Variants in ANKRD33B observed in about 807,000 individuals in gnomAD.
ANKRD33B encodes the protein ankyrin repeat domain 33B.
Under a neutral mutation model 21.5 loss-of-function variants are expected in ANKRD33B, and 6 were observed. The observed-to-expected ratio is 0.28, with a 90% CI of 0.15 to 0.55. The LOEUF (loss-of-function observed/expected upper bound fraction) is 0.55, where lower values mean the gene tolerates loss of function less well. Ranked by LOEUF, ANKRD33B falls within the 20% of genes least tolerant of loss-of-function variation. The pLI, the probability that ANKRD33B is intolerant of heterozygous loss-of-function variation, is 0.94. For missense variants in ANKRD33B, 698 were observed against 747.2 expected, an observed-to-expected ratio of 0.93 and a Z score of 0.77; for synonymous variants, 347 against 342.4, an observed-to-expected ratio of 1.01 and a Z score of -0.15.
At chr5:10,592,384 G>A (rs958159038) in intron 1 of ANKRD33B, among the ~76,000 whole-genome samples, 4 of 150,902 alleles carry the variant, frequency 2.7e-5, no homozygotes, top group Admixed American at 6.6e-5. Context: ...AGGCCAGGGC[G>A]GGCGGATCAC....
chr5:10,629,314 A>C (rs1201524084), intron 2 of ANKRD33B, among the ~76,000 whole-genome samples: 1 of 152,144 alleles, frequency 6.6e-6, no homozygotes, highest in African/African-American at 2.4e-5. Flanking sequence ...TGTAGAGATG[A>C]GGTCTTGCCA....
chr5:10,575,206 T>C (rs553236926), intron 1 of ANKRD33B, among the ~76,000 whole-genome samples: 7 of 151,024 alleles, frequency 4.6e-5, no homozygotes, highest in Admixed American at 2.0e-4. Context: ...GGGCGGATCA[T>C]GAGGTCAAAA....
At position 10,618,392 on chromosome 5, in the gene ANKRD33B, G is replaced by C. The variant is rs1057274309; in HGVS notation, c.426G>C (p.Glu142Asp). The change falls in exon 2 of 4, where the codon GAG becomes GAC. Residue 142 changes from glutamate (E) to aspartate (D), a missense_variant. Glu to Asp is a conservative substitution (Grantham distance 45). Coordinates refer to ENST00000296657, the MANE Select transcript of ANKRD33B (RefSeq NM_001164440.2). Reference protein sequence around the residue: ...GFVDTVVALAECPHVDVNWQD... With the variant: ...GFVDTVVALADCPHVDVNWQD... ...TGGATACCGTGGTGGCCTTAGCAGA[G>C]TGCCCCCACGTTGACGTCAACTGGC... is the stretch of plus-strand genomic sequence containing the variant. 2.6e-6 allele frequency: 4 copies of C among 1,537,714 alleles called. No homozygotes were observed. The East Asian group carries it at 7.3e-5, about 28-fold the overall frequency.
chr5:10,629,296 C>T (rs1247748631), intron 2 of ANKRD33B, among the ~76,000 whole-genome samples: 1 of 152,126 alleles, frequency 6.6e-6, no homozygotes, highest in Non-Finnish European at 1.5e-5. Flanking sequence ...GAAATTTAAA[C>T]TTTTTTTTGT....
intron 3 of ANKRD33B, 85 bp downstream of exon 3, chr5:10,638,253 C>T (rs1043265472): frequency 3.5e-6 from 5 of 1,424,690 alleles, no homozygotes; most frequent in Non-Finnish European, 4.7e-6. Flanking sequence ...AGATTAATCA[C>T]TCCCATAGAA....
rs1363457552 is a variant in ANKRD33B at position 10,655,954 on chromosome 5, A to C, written c.*5841A>C. On this transcript the variant is annotated 3_prime_UTR_variant, in exon 4 of 4. Coordinates refer to ENST00000296657, the MANE Select transcript of ANKRD33B (RefSeq NM_001164440.2). Reference sequence around the variant, plus strand: ...ACCCTGACCATGACAGATCTTTCTAAAACAATAAAGTCCCATTGATGACAA... The same window carrying C: ...ACCCTGACCATGACAGATCTTTCTACAACAATAAAGTCCCATTGATGACAA... The C allele has an allele frequency of 1.3e-5, 2 of 152,314 alleles. No homozygotes were observed. Among genetic ancestry groups the C allele is most frequent in the Non-Finnish European group, 2.9e-5 (2 of 68,026 alleles). The allele number at this position is 152,314 out of a possible 1,614,324, so 9.4% of individuals were successfully genotyped here. A position where few individuals can be genotyped will look rare whatever the true frequency, so the allele number is the denominator to read the frequency against.
chr5:10,647,054 C>T (rs1161046641), intron 3 of ANKRD33B, among the ~76,000 whole-genome samples: 1 of 152,194 alleles, frequency 6.6e-6, no homozygotes, highest in Non-Finnish European at 1.5e-5. Flanking sequence ...TGCCCTAGTT[C>T]TCCATGTTGC....
At chr5:10,648,331 C>T (rs1279968394) in intron 3 of ANKRD33B, among the ~76,000 whole-genome samples, 1 of 152,234 alleles carries the variant, frequency 6.6e-6, no homozygotes, top group African/African-American at 2.4e-5. Flanking sequence ...GCTGGGGTGC[C>T]ACCACTTTGC....
chr5:10,641,007 T>A (rs1399531659), intron 3 of ANKRD33B, among the ~76,000 whole-genome samples: 2 of 152,158 alleles, frequency 1.3e-5, no homozygotes, highest in Non-Finnish European at 2.9e-5. Context: ...CTCTTAATAC[T>A]ATTCCAGTGG....
chr5:10,612,515 G>A (rs10035299), intron 1 of ANKRD33B, among the ~76,000 whole-genome samples: 94,358 of 152,192 alleles, frequency 0.62, 33,370 homozygotes, highest in East Asian at 0.85. Context: ...GGACACAAAC[G>A]TTCCGTCCAT....
chr5:10,639,547 A>G lies in ANKRD33B; in HGVS notation c.637+1379A>G, dbSNP rs545391543. Among the ~76,000 whole-genome samples, 141 of 18,336 alleles carry G rather than the reference A, an allele frequency of 7.7e-3. 9 individuals are homozygous for G. Among genetic ancestry groups the G allele is most frequent in the East Asian group, 0.057 (54 of 954 alleles). 12.0% of individuals were successfully genotyped at this position (18,336 alleles called of 152,430 possible). The stretch of plus-strand genomic sequence containing the variant: ...GCGGCGATGTTAGGCGGTGACGTGG[A>G]GTTGCGCGGCGATGTTAGGCGGTGA... On this transcript the variant is annotated intron_variant, in intron 3 of 3. Transcript: ENST00000296657.
At chr5:10,634,324 G>T (rs988663782) in intron 2 of ANKRD33B, among the ~76,000 whole-genome samples, 2 of 141,078 alleles carry the variant, frequency 1.4e-5, no homozygotes, top group African/African-American at 2.6e-5. Flanking sequence ...TCTTAAGCAG[G>T]GTAGGGCTTA....
chr5:10,573,036 A>T (rs1018660375), intron 1 of ANKRD33B, among the ~76,000 whole-genome samples: 3 of 151,800 alleles, frequency 2.0e-5, no homozygotes, highest in African/African-American at 7.3e-5. Flanking sequence ...AAATCCCACC[A>T]CTCCAATCCA....
Position 10,649,793 on chromosome 5 carries a change from C to A in ANKRD33B, c.1165C>A (p.Pro389Thr). ...GGGCTCCCCGAGAGCCGGCCTCCCT[C>A]CCGCCCTGGGGTCCCGGGGCCCCGC... ...REGSPRAGLP[P>T]ALGSRGPAAP... Residue 389 changes from proline to threonine, a missense_variant, in exon 4 of 4, where the codon CCC becomes ACC. Around this residue, in one of 3 missense-constraint regions of ANKRD33B, gnomAD observed 543 missense variants for 566.5 expected, o/e 0.96. Transcript: ENST00000296657. 7.1e-7 allele frequency: 1 copy of A among 1,401,754 alleles called. No homozygotes were observed. 86.8% of individuals were successfully genotyped at this position (1,401,754 alleles called of 1,614,324 possible). A position where few individuals can be genotyped will look rare whatever the true frequency, so the allele number is the denominator to read the frequency against.
chr5:10,627,222 A>G (rs1173184818), intron 2 of ANKRD33B: 1 of 152,178 alleles, frequency 6.6e-6, no homozygotes, highest in East Asian at 1.9e-4. Context: ...TAACAAAAAT[A>G]AAATAAGATA....
chr5:10,650,155 G>T lies in ANKRD33B; in HGVS notation c.*42G>T. ...CGCTGGGGCCGGGGCTGGGGCCGGG[G>T]CGGGGCCGCAGGGCTGGGCGCGGAG... On this transcript the variant is annotated 3_prime_UTR_variant, in exon 4 of 4. Coordinates refer to ENST00000296657, the MANE Select transcript of ANKRD33B (RefSeq NM_001164440.2). The T allele has an allele frequency of 7.0e-7, 1 of 1,430,946 alleles. No individual in the cohort carries two copies. Among genetic ancestry groups the T allele is most frequent in the Non-Finnish European group, 9.1e-7 (1 of 1,098,246 alleles). 88.6% of individuals were successfully genotyped at this position (1,430,946 alleles called of 1,614,324 possible).
chr5:10,622,794 C>CTTTTTTTTTTTT (rs1436392852), intron 2 of ANKRD33B, among the ~76,000 whole-genome samples: 1 of 78,604 alleles, frequency 1.3e-5, no homozygotes, highest in African/African-American at 7.3e-5. Context: ...TTTGTTTTTG[C>CTTTTTTTTTTTT]TTTATTTTAT....
At chr5:10,611,597 C>A (rs1250621663) in intron 1 of ANKRD33B, among the ~76,000 whole-genome samples, 1 of 152,202 alleles carries the variant, frequency 6.6e-6, no homozygotes, top group Non-Finnish European at 1.5e-5. Context: ...GGGATTGACC[C>A]TTGGGTCCTG....
intron 2 of ANKRD33B, among the ~76,000 whole-genome samples, chr5:10,622,444 A>G (rs1736441375): frequency 8.5e-6 from 1 of 117,928 alleles, no homozygotes; most frequent in East Asian, 1.9e-4. Flanking sequence ...TATTCTACCA[A>G]AAGTTATTGG....
Sources: allele counts gnomAD v4.1 joint callset (sites outside exome capture counted in the v4.1 genomes callset), GRCh38; gene constraint gnomAD v4.1.1; regional missense constraint gnomAD v4.1.1; transcripts MANE v1.5; gene names NCBI Gene and HGNC (gene_info 2026-07-23, HGNC 2026-07-21).